NAV3: variants seen among roughly 807,000 people sequenced by gnomAD.
NAV3 encodes neuron navigator 3, also known as pore membrane and/or filament interacting like protein 1.
A neutral mutation model predicts 244.7 loss-of-function variants in NAV3; 87 were observed. The observed-to-expected ratio is 0.36, with a 90% confidence interval of 0.30 to 0.42. NAV3 has a LOEUF of 0.42. Among genes scored for constraint, NAV3 ranks in the 20% least tolerant of loss-of-function variants. NAV3 has a pLI of 1.00. For missense variants in NAV3, 2,663 were observed against 2,893.3 expected (o/e 0.92, Z 1.83); for synonymous variants, 1,126 against 1,042.2 (o/e 1.08, Z -1.55).
At chr12:78,060,098 G>A (rs1419206194) in intron 12 of NAV3, among the ~76,000 whole-genome samples, 1 of 151,966 alleles carries the variant, frequency 6.6e-6, no homozygotes, top group Non-Finnish European at 1.5e-5. Context: ...TACATTTCTG[G>A]CCTGATTTTG....
chr12:78,086,297 T>C (rs300481), intron 12 of NAV3, among the ~76,000 whole-genome samples: 51,733 of 151,966 alleles, frequency 0.34, 9,052 homozygotes, highest in African/African-American at 0.43. Flanking sequence ...AGTATATGTT[T>C]TCTATTTACT....
chr12:78,005,491 A>T (rs549696302), intron 7 of NAV3, among the ~76,000 whole-genome samples: 1 of 152,354 alleles, frequency 6.6e-6, no homozygotes, highest in African/African-American at 2.4e-5. Flanking sequence ...GGCATCATTC[A>T]GAAGATTGTT....
Position 78,137,340 on chromosome 12 carries a change from C to G in NAV3, c.4605C>G (p.Gly1535=). The change falls in exon 19 of 40, where the codon GGC becomes GGG. Residue 1535 remains glycine, a synonymous_variant. Coordinates refer to ENST00000397909, the MANE Select transcript of NAV3 (RefSeq NM_001024383.2). ...EERPRAISHS[G]SFRDSMEEVH... is the part of the protein sequence containing the mutation. ...GACCTCGTGCCATCAGTCATTCGGG[C>G]TCATTCAGAGACAGCATGGAAGAAG... 1 of 1,612,408 alleles carries G rather than the reference C, an allele frequency of 6.2e-7. No individual in the cohort carries two copies. Among genetic ancestry groups the G allele is most frequent in the Non-Finnish European group, 8.5e-7 (1 of 1,179,454 alleles).
chr12:77,863,952 G>T (rs538594353), intron 1 of NAV3, among the ~76,000 whole-genome samples: 7 of 151,914 alleles, frequency 4.6e-5, no homozygotes, highest in African/African-American at 1.7e-4. Flanking sequence ...TTAATAGTAA[G>T]ACATCTCCAA....
At chr12:77,652,817 C>T (rs2136996870) in intron 2 of NAV3, among the ~76,000 whole-genome samples, 1 of 152,294 alleles carries the variant, frequency 6.6e-6, no homozygotes, top group African/African-American at 2.4e-5. Flanking sequence ...TAGTAGAGCC[C>T]ATTATCAAGC....
chr12:78,033,939 A>G (rs1593337002), intron 9 of NAV3, among the ~76,000 whole-genome samples: 1 of 152,330 alleles, frequency 6.6e-6, no homozygotes, highest in East Asian at 1.9e-4. Context: ...CATAAAATCA[A>G]CATGTCCCAG....
At chr12:77,982,374 A>G (rs1593190004) in intron 5 of NAV3, among the ~76,000 whole-genome samples, 2 of 61,288 alleles carry the variant, frequency 3.3e-5, no homozygotes, top group Non-Finnish European at 9.4e-5. Context: ...GGCTAAGATA[A>G]AGTGATGTTC....
At chr12:77,872,070 G>A (rs1881051855) in intron 1 of NAV3, among the ~76,000 whole-genome samples, 1 of 152,116 alleles carries the variant, frequency 6.6e-6, no homozygotes, top group Non-Finnish European at 1.5e-5. Flanking sequence ...ATGTTCGTCG[G>A]CTGCACAAAT....
chr12:77,831,649 A>T lies in NAV3; in HGVS notation c.188A>T (p.Glu63Val), dbSNP rs772976237. Residue 63 changes from glutamate to valine, a missense_variant, in exon 1 of 40, where the codon GAA (glutamate) becomes GTA (valine). Around this residue, in one of 6 missense-constraint regions of NAV3, gnomAD observed 1,521 missense variants for 1,497.0 expected, o/e 1.02. Coordinates refer to ENST00000397909, the MANE Select transcript of NAV3 (RefSeq NM_001024383.2). ...CAGCTTGCGTTAAAATCAACCTGTG[A>T]ATTTGGAGAGAAGAAACCCCTCCAA... ...SCQLALKSTC[E>V]FGEKKPLQGK... 1.9e-6 allele frequency: 3 copies of T among 1,613,934 alleles called. No individual in the cohort carries two copies. The East Asian group carries it at 6.7e-5, about 36-fold the overall frequency.
chr12:78,044,302 G>A (rs1881389068), intron 9 of NAV3, among the ~76,000 whole-genome samples: 1 of 152,090 alleles, frequency 6.6e-6, no homozygotes, highest in African/African-American at 2.4e-5. Context: ...ATCTGTTTTG[G>A]TACCAGTACC....
chr12:78,202,613 A>G (rs1959829853), intron 38 of NAV3, among the ~76,000 whole-genome samples: 2 of 152,102 alleles, frequency 1.3e-5, no homozygotes, highest in African/African-American at 4.8e-5. Flanking sequence ...TTTCAAAATT[A>G]TTTTTGAAGA....
At chr12:77,733,538 C>G (rs1783073591) in intron 2 of NAV3, among the ~76,000 whole-genome samples, 1 of 151,934 alleles carries the variant, frequency 6.6e-6, no homozygotes, top group Admixed American at 6.6e-5. Flanking sequence ...GCAACCATCT[C>G]AGAGAGATAC....
chr12:78,155,795 G>T (rs1395465552), intron 22 of NAV3, among the ~76,000 whole-genome samples: 1 of 151,872 alleles, frequency 6.6e-6, no homozygotes, highest in South Asian at 2.1e-4. Flanking sequence ...TCTTGTAAGT[G>T]TCTATTCATA....
intron 2 of NAV3, among the ~76,000 whole-genome samples, chr12:77,682,245 C>T (rs991201486): frequency 6.6e-6 from 1 of 152,114 alleles, no homozygotes; most frequent in Non-Finnish European, 1.5e-5. Flanking sequence ...TGAATGAGAT[C>T]ATGTGGTATT....
At chr12:77,690,341 T>G (rs1217549096) in intron 2 of NAV3, among the ~76,000 whole-genome samples, 4 of 151,814 alleles carry the variant, frequency 2.6e-5, no homozygotes, top group Non-Finnish European at 5.9e-5. Context: ...TAGTAGTGAT[T>G]GTGTGAATTT....
intron 1 of NAV3, among the ~76,000 whole-genome samples, chr12:77,879,206 C>T (rs765707020): frequency 6.6e-6 from 1 of 152,102 alleles, no homozygotes; most frequent in African/African-American, 2.4e-5. Flanking sequence ...AAAAATGTCT[C>T]CTGTACATCT....
intron 12 of NAV3, among the ~76,000 whole-genome samples, chr12:78,073,860 A>G (rs1300331662): frequency 6.6e-6 from 1 of 152,214 alleles, no homozygotes; most frequent in African/African-American, 2.4e-5. Flanking sequence ...TCAATGGAAC[A>G]GAACAGAGCC....
chr12:78,064,045 T>G (rs1280298003), intron 12 of NAV3, among the ~76,000 whole-genome samples: 1 of 152,072 alleles, frequency 6.6e-6, no homozygotes, highest in Non-Finnish European at 1.5e-5. Context: ...TGAAGAGGGA[T>G]GAGATAAAGA....
At chr12:77,621,422 T>C (rs971072851) in intron 2 of NAV3, among the ~76,000 whole-genome samples, 4 of 151,936 alleles carry the variant, frequency 2.6e-5, no homozygotes, top group African/African-American at 9.7e-5. Context: ...TGAAGAAGAA[T>C]CTAGAAGCTA....
Sources: allele counts gnomAD v4.1 joint callset (sites outside exome capture counted in the v4.1 genomes callset), GRCh38; gene constraint gnomAD v4.1.1; regional missense constraint gnomAD v4.1.1; transcripts MANE v1.5; gene names NCBI Gene and HGNC (gene_info 2026-07-23, HGNC 2026-07-21).